Variants in PLEKHA7 observed in about 807,000 individuals in gnomAD.
PLEKHA7 encodes pleckstrin homology domain containing A7.
PLEKHA7 carries 104 observed loss-of-function variants against 170.0 expected under a neutral mutation model. The observed-to-expected ratio is 0.61, with a 90% confidence interval of 0.52 to 0.72. The LOEUF is 0.72. Among genes scored for constraint, PLEKHA7 ranks in the 30% least tolerant of loss-of-function variants. The probability of loss-of-function intolerance (pLI) is 0.00; values close to 1 mark genes in which losing one functional copy is unlikely to be tolerated. For synonymous variants in PLEKHA7, 648 were observed against 660.8 expected (o/e 0.98, Z 0.30); for missense variants, 1,615 against 1,671.7 (o/e 0.97, Z 0.59).
chr11:16,979,133 G>A (rs1363325045), intron 3 of PLEKHA7, among the ~76,000 whole-genome samples: 3 of 152,208 alleles, frequency 2.0e-5, no homozygotes, highest in Non-Finnish European at 4.4e-5. Context: ...CGCCTCCCGG[G>A]TTCAAGCAAT....
intron 3 of PLEKHA7, among the ~76,000 whole-genome samples, chr11:16,891,989 A>G (rs561756726): frequency 6.6e-6 from 1 of 152,320 alleles, no homozygotes; most frequent in African/African-American, 2.4e-5. Flanking sequence ...ACTGGGAGGC[A>G]TATTTTTCAA....
intron 9 of PLEKHA7, among the ~76,000 whole-genome samples, chr11:16,831,310 C>A (rs1851087938): frequency 6.6e-6 from 1 of 152,216 alleles, no homozygotes; most frequent in Non-Finnish European, 1.5e-5. Context: ...TTCTCCCTGT[C>A]TCCTTGCATT....
At chr11:16,829,212 G>T (rs1850908667) in intron 9 of PLEKHA7, among the ~76,000 whole-genome samples, 1 of 151,602 alleles carries the variant, frequency 6.6e-6, no homozygotes, top group Non-Finnish European at 1.5e-5. Context: ...ACTGGGTCTT[G>T]CTATGTTGCC....
At chr11:16,982,327 C>T (rs1863478053) in intron 3 of PLEKHA7, among the ~76,000 whole-genome samples, 1 of 152,240 alleles carries the variant, frequency 6.6e-6, no homozygotes, top group Non-Finnish European at 1.5e-5. Context: ...CCAGCCACCT[C>T]TGGGACACAG....
At chr11:16,829,846 G>GTTTCTTT (rs10559422) in intron 9 of PLEKHA7, among the ~76,000 whole-genome samples, 2 of 147,690 alleles carry the variant, frequency 1.4e-5, no homozygotes, top group Admixed American at 6.6e-5. Context: ...CATATGACAG[G>GTTTCTTT]TTTCTTTTTT....
intron 3 of PLEKHA7, among the ~76,000 whole-genome samples, chr11:17,002,958 G>C (rs527469888): frequency 6.8e-6 from 1 of 147,156 alleles, no homozygotes; most frequent in South Asian, 2.2e-4. Flanking sequence ...CCAAGAATAA[G>C]GACATCCTTT....
intron 6 of PLEKHA7, among the ~76,000 whole-genome samples, chr11:16,854,078 T>C (rs1443243208): frequency 6.6e-6 from 1 of 152,210 alleles, no homozygotes; most frequent in Non-Finnish European, 1.5e-5. Flanking sequence ...CACGTTACTT[T>C]CTCTTGATAC....
At chr11:16,805,429 TTC>T (rs1231180511) in intron 13 of PLEKHA7, among the ~76,000 whole-genome samples, 1 of 152,178 alleles carries the variant, frequency 6.6e-6, no homozygotes, top group Non-Finnish European at 1.5e-5. Context: ...AACCTTTTTT[TTC>T]TCTCTCTCAG....
rs1393389783 is a variant in PLEKHA7, at chr11:16,958,950, G to A, written c.221+55039C>T. On this transcript the variant is annotated intron_variant, in intron 3 of 26. Coordinates refer to ENST00000531066, the MANE Select transcript of PLEKHA7 (RefSeq NM_001329630.2). ...TGGGGTGGGTACAGGCGGGTGGGGGGAAAGAGGCCTAGAGCCCTACCTAAG... is the reference window on the plus strand; with the variant it reads ...TGGGGTGGGTACAGGCGGGTGGGGGAAAAGAGGCCTAGAGCCCTACCTAAG... 3.3e-5 allele frequency among the ~76,000 whole-genome samples: 5 copies of A among 152,148 alleles called. No homozygotes were observed. In the East Asian group the frequency reaches 5.8e-4, roughly 18 times the overall value.
chr11:16,985,948 G>T (rs939035893), intron 3 of PLEKHA7, among the ~76,000 whole-genome samples: 1 of 152,232 alleles, frequency 6.6e-6, no homozygotes, highest in Non-Finnish European at 1.5e-5. Context: ...CAAATGGAGG[G>T]ATATCACAAA....
Position 16,805,602 on chromosome 11 carries a change from C to T in PLEKHA7, c.2008-2307G>A, listed in dbSNP as rs569781146. The stretch of plus-strand genomic sequence containing the variant: ...GTCAGGAGTTCAAGATCAGTCTGGC[C>T]AACATGGTGAAACCCCATCTCTACT... On this transcript the variant is annotated intron_variant, in intron 13 of 26. Transcript: ENST00000531066. Among the ~76,000 whole-genome samples the T allele has an allele frequency of 1.3e-4, 19 of 151,860 alleles. No individual in the cohort carries two copies. The South Asian group carries it at 1.7e-3, about 13-fold the overall frequency.
chr11:16,825,115 A>G lies in PLEKHA7; in HGVS notation c.1343+1005T>C, dbSNP rs7937723. Among the ~76,000 whole-genome samples the G allele has an allele frequency of 4.2e-3, 644 of 152,342 alleles. 1 individual carries two copies. Among genetic ancestry groups the G allele is most frequent in the African/African-American group, 0.014 (573 of 41,576 alleles). On this transcript the variant is annotated intron_variant, in intron 10 of 26. Transcript: ENST00000531066. ...AGGAAGGCTCCATTGTGATTTATCC[A>G]CCATCCACTCTCACAACTGCCCAGC...
chr11:16,822,203 A>G (rs61274404), intron 10 of PLEKHA7, among the ~76,000 whole-genome samples: 28,173 of 152,130 alleles, frequency 0.19, 2,848 homozygotes, highest in East Asian at 0.37. Flanking sequence ...TTATCACTGC[A>G]TATCAGTCAC....
chr11:16,881,482 C>T (rs769792016), intron 3 of PLEKHA7: 2 of 152,258 alleles, frequency 1.3e-5, no homozygotes, highest in Non-Finnish European at 2.9e-5. Flanking sequence ...TTCCTCTCCA[C>T]CCCCCACACA....
intron 3 of PLEKHA7, among the ~76,000 whole-genome samples, chr11:16,969,965 G>A (rs1862608631): frequency 6.6e-6 from 1 of 152,212 alleles, no homozygotes; most frequent in Non-Finnish European, 1.5e-5. Context: ...CCAGAGTGAT[G>A]TCAAAGACAA....
chr11:16,793,437 G>A (rs1847993247), intron 19 of PLEKHA7, among the ~76,000 whole-genome samples: 1 of 152,202 alleles, frequency 6.6e-6, no homozygotes, highest in Admixed American at 6.5e-5. Context: ...GTCCAGCTCT[G>A]GGCCCTGGAC....
At chr11:16,813,972 C>A (rs1195030537) in intron 12 of PLEKHA7, among the ~76,000 whole-genome samples, 2 of 152,192 alleles carry the variant, frequency 1.3e-5, no homozygotes, top group East Asian at 3.9e-4. Flanking sequence ...GAAAAATAAT[C>A]CAGGCACCAT....
At chr11:16,979,748 C>G (rs953004959) in intron 3 of PLEKHA7, among the ~76,000 whole-genome samples, 2 of 152,078 alleles carry the variant, frequency 1.3e-5, no homozygotes, top group Non-Finnish European at 1.5e-5. Flanking sequence ...CCTTCTTTCA[C>G]AGAGATTGGT....
chr11:16,939,865 G>A (rs1860562225), intron 3 of PLEKHA7, among the ~76,000 whole-genome samples: 1 of 152,170 alleles, frequency 6.6e-6, no homozygotes, highest in South Asian at 2.1e-4. Flanking sequence ...ATGTGTGTGG[G>A]GTGAAGGGAC....
Sources: allele counts gnomAD v4.1 joint callset (sites outside exome capture counted in the v4.1 genomes callset), GRCh38; gene constraint gnomAD v4.1.1; transcripts MANE v1.5; gene names NCBI Gene and HGNC (gene_info 2026-07-23, HGNC 2026-07-21).